Variants in SLCO3A1 observed in about 807,000 individuals in gnomAD.
SLCO3A1 encodes the protein PGE1 transporter.
A neutral mutation model predicts 63.1 loss-of-function variants in SLCO3A1; 27 were observed. That is an observed-to-expected ratio of 0.43 (90% CI 0.32 to 0.59). The LOEUF (loss-of-function observed/expected upper bound fraction) is 0.59. SLCO3A1 is among the 20% of genes least tolerant of loss of function. SLCO3A1 has a pLI of 0.09. For synonymous variants in SLCO3A1, 473 were observed against 409.9 expected (o/e 1.15, Z -1.86); for missense variants, 773 against 945.8 (o/e 0.82, Z 2.40).
At chr15:92,053,523 G>C (rs138382590) in intron 2 of SLCO3A1, among the ~76,000 whole-genome samples, 3 of 152,042 alleles carry the variant, frequency 2.0e-5, no homozygotes, top group African/African-American at 7.2e-5. Flanking sequence ...TCCCATCCGG[G>C]ACATCGCATT....
chr15:92,017,470 C>T (rs138953952), intron 2 of SLCO3A1, among the ~76,000 whole-genome samples: 29 of 152,152 alleles, frequency 1.9e-4, no homozygotes, highest in African/African-American at 6.5e-4. Flanking sequence ...CTGGAAAAGG[C>T]GGGGAAGGGC....
At chr15:91,966,914 T>A (rs918624247) in intron 2 of SLCO3A1, among the ~76,000 whole-genome samples, 4 of 152,114 alleles carry the variant, frequency 2.6e-5, no homozygotes, top group African/African-American at 9.7e-5. Context: ...GCACCAATTA[T>A]GTTGTGTGGC....
intron 1 of SLCO3A1, 94 bp from the exon 2 acceptor site, chr15:91,915,899 G>T: frequency 1.8e-6 from 2 of 1,092,296 alleles, no homozygotes; most frequent in Admixed American, 2.2e-5. Context: ...GAGGGTCCCG[G>T]GGGGGATGGG....
intron 7 of SLCO3A1, among the ~76,000 whole-genome samples, chr15:92,145,331 G>A (rs1183661941): frequency 1.3e-5 from 2 of 152,178 alleles, no homozygotes; most frequent in Non-Finnish European, 2.9e-5. Context: ...AGGAGGAGTG[G>A]CATTTTAAGT....
Position 91,952,861 on chromosome 15 carries a change from G to A in SLCO3A1, c.646+36403G>A, listed in dbSNP as rs142401434. On this transcript the variant is annotated intron_variant, in intron 2 of 9. Coordinates refer to ENST00000318445, the MANE Select transcript of SLCO3A1 (RefSeq NM_013272.4). ...CTCCAAAATCTAATTCCCATTGACC[G>A]CATCACACTGCTGTGTCCAGGAGGG... Among the ~76,000 whole-genome samples, 645 of 152,198 alleles carry A rather than the reference G, an allele frequency of 4.2e-3. 2 individuals carry two copies. The highest frequency in any genetic ancestry group is 0.013 in the African/African-American group (519 of 41,520).
Position 92,108,347 on chromosome 15 carries a change from T to G in SLCO3A1, c.1009+3805T>G, listed in dbSNP as rs555775980. ...ACCTGGCTCTGGCTCTGCTCCTCCC[T>G]GATCTTGCATTTTGGACAGCCTGTT... On this transcript the variant is annotated intron_variant, in intron 4 of 9. Transcript: ENST00000318445. Among the ~76,000 whole-genome samples the G allele has an allele frequency of 5.9e-5, 9 of 152,346 alleles. No homozygotes were observed. The East Asian group carries it at 1.7e-3, about 29-fold the overall frequency.
intron 2 of SLCO3A1, among the ~76,000 whole-genome samples, chr15:91,972,252 G>A (rs567704425): frequency 9.3e-4 from 141 of 152,232 alleles, no homozygotes; most frequent in African/African-American, 3.1e-3. Context: ...GTTGGGAGGT[G>A]GATATGGGAG....
intron 4 of SLCO3A1, among the ~76,000 whole-genome samples, chr15:92,117,746 C>T (rs991113500): frequency 6.6e-6 from 1 of 152,218 alleles, no homozygotes; most frequent in East Asian, 1.9e-4. Context: ...TCAGATTTCA[C>T]TCATTCATAG....
intron 9 of SLCO3A1, among the ~76,000 whole-genome samples, chr15:92,161,337 G>A (rs1159708863): frequency 6.6e-6 from 1 of 152,206 alleles, no homozygotes; most frequent in Non-Finnish European, 1.5e-5. Context: ...CAAATGCTCT[G>A]ATTTCAGTGG....
chr15:92,011,113 C>G (rs2046364079), intron 2 of SLCO3A1, among the ~76,000 whole-genome samples: 1 of 152,256 alleles, frequency 6.6e-6, no homozygotes, highest in African/African-American at 2.4e-5. Flanking sequence ...TCTTCTCTCA[C>G]TGGCTATAGC....
chr15:91,930,963 C>T (rs1232164785), intron 2 of SLCO3A1, among the ~76,000 whole-genome samples: 2 of 152,120 alleles, frequency 1.3e-5, no homozygotes, highest in Non-Finnish European at 2.9e-5. Flanking sequence ...AGTGTACCAG[C>T]GAGTGTCATG....
chr15:92,091,122 C>T (rs1414554877), intron 2 of SLCO3A1, among the ~76,000 whole-genome samples: 1 of 152,194 alleles, frequency 6.6e-6, no homozygotes, highest in Non-Finnish European at 1.5e-5. Flanking sequence ...CTGAACCACT[C>T]TAAGATTCTG....
intron 2 of SLCO3A1, among the ~76,000 whole-genome samples, chr15:92,027,204 C>T (rs765027759): frequency 6.6e-6 from 1 of 152,060 alleles, no homozygotes; most frequent in Non-Finnish European, 1.5e-5. Context: ...TAATGCATTA[C>T]ATTTTTGATA....
chr15:92,043,418 G>A (rs1422448011), intron 2 of SLCO3A1, among the ~76,000 whole-genome samples: 1 of 152,186 alleles, frequency 6.6e-6, no homozygotes, highest in African/African-American at 2.4e-5. Flanking sequence ...TATAACCAGC[G>A]ATAGCAGGCC....
At chr15:92,003,469 C>G (rs2046278929) in intron 2 of SLCO3A1, among the ~76,000 whole-genome samples, 1 of 152,216 alleles carries the variant, frequency 6.6e-6, no homozygotes, top group South Asian at 2.1e-4. Flanking sequence ...CAGCATCTAT[C>G]AACAGATCTT....
At chr15:92,152,319 A>C (rs1477080877) in intron 9 of SLCO3A1, among the ~76,000 whole-genome samples, 1 of 152,236 alleles carries the variant, frequency 6.6e-6, no homozygotes, top group Non-Finnish European at 1.5e-5. Context: ...GTCTATAGCA[A>C]AAACTTTCTA....
chr15:91,986,929 G>A (rs899372856), intron 2 of SLCO3A1, among the ~76,000 whole-genome samples: 1 of 152,188 alleles, frequency 6.6e-6, no homozygotes, highest in Non-Finnish European at 1.5e-5. Flanking sequence ...ATAAATTCTG[G>A]TAGCTGTCAG....
At chr15:91,971,009 C>T (rs1343449257) in intron 2 of SLCO3A1, among the ~76,000 whole-genome samples, 3 of 151,890 alleles carry the variant, frequency 2.0e-5, no homozygotes, top group African/African-American at 4.8e-5. Context: ...TATTTGTAGC[C>T]CCCAAATCAA....
At chr15:92,159,050 G>A (rs576000979) in intron 9 of SLCO3A1, among the ~76,000 whole-genome samples, 3 of 152,236 alleles carry the variant, frequency 2.0e-5, no homozygotes, top group East Asian at 1.9e-4. Context: ...GACCCTTGGC[G>A]AAACACTCAC....
Sources: allele counts gnomAD v4.1 joint callset (sites outside exome capture counted in the v4.1 genomes callset), GRCh38; gene constraint gnomAD v4.1.1; transcripts MANE v1.5; gene names NCBI Gene and HGNC (gene_info 2026-07-23, HGNC 2026-07-21).